Variants in PCDH15 observed in about 807,000 individuals in gnomAD.
PCDH15 encodes protocadherin-15.
PCDH15 carries 129 observed loss-of-function variants against 178.5 expected under a neutral mutation model. That is an observed-to-expected ratio of 0.72 (90% confidence interval 0.63 to 0.84). The LOEUF is 0.84. Ranked by LOEUF, PCDH15 falls within the 40% of genes least tolerant of loss-of-function variation. PCDH15 has a pLI of 0.00. For synonymous variants in PCDH15, 800 were observed against 732.0 expected (o/e 1.09, Z -1.50); for missense variants, 2,230 against 2,099.9 (o/e 1.06, Z -1.21).
intron 2 of PCDH15, among the ~76,000 whole-genome samples, chr10:55,609,989 T>C (rs145345310): frequency 6.6e-6 from 1 of 152,222 alleles, no homozygotes; most frequent in East Asian, 1.9e-4. Flanking sequence ...TTTAAAATAA[T>C]AGGCAAAATA....
intron 3 of PCDH15, among the ~76,000 whole-genome samples, chr10:54,495,296 A>G (rs2080007703): frequency 6.6e-6 from 1 of 152,194 alleles, no homozygotes; most frequent in Non-Finnish European, 1.5e-5. Context: ...AGTATGATAA[A>G]GTAAGGAGAT....
intron 2 of PCDH15, among the ~76,000 whole-genome samples, chr10:54,915,098 T>C (rs971417133): frequency 3.3e-5 from 5 of 152,198 alleles, no homozygotes; most frequent in African/African-American, 7.2e-5. Context: ...CAATTACTTA[T>C]TATCATTGTT....
chr10:54,853,474 T>C (rs1024109234), intron 3 of PCDH15, among the ~76,000 whole-genome samples: 50 of 147,474 alleles, frequency 3.4e-4, no homozygotes, highest in Admixed American at 4.1e-4. Context: ...TATATATATA[T>C]ATAGTATTAC....
intron 2 of PCDH15, among the ~76,000 whole-genome samples, chr10:54,922,887 T>A (rs1331401176): frequency 6.6e-6 from 1 of 152,136 alleles, no homozygotes; most frequent in Non-Finnish European, 1.5e-5. Context: ...TTTAGGACAG[T>A]GGGACACTTC....
chr10:55,589,552 G>A (rs556421558), intron 2 of PCDH15, among the ~76,000 whole-genome samples: 38 of 151,752 alleles, frequency 2.5e-4, no homozygotes, highest in Middle Eastern at 3.4e-3. Flanking sequence ...GAAAATTTTC[G>A]CAACCTACTC....
At chr10:55,597,412 A>G (rs1389662002) in intron 2 of PCDH15, among the ~76,000 whole-genome samples, 2 of 152,092 alleles carry the variant, frequency 1.3e-5, no homozygotes, top group Admixed American at 1.3e-4. Context: ...GCCGACCCCC[A>G]GAAACAAGAT....
In PCDH15 at chr10:53,815,171, G is replaced by T. The variant is rs951403609; in HGVS notation, c.4491+1068C>A. 2.6e-5 allele frequency among the ~76,000 whole-genome samples: 4 copies of T among 152,182 alleles called. No individual in the cohort carries two copies. The East Asian group carries it at 7.7e-4, about 29-fold the overall frequency. On this transcript the variant is annotated intron_variant, in intron 35 of 37. Transcript: ENST00000644397. ...TTCTTGGGTAGATCAAACACTTAAT[G>T]TAATTTTTAATATTCATTTTTGCTG...
At chr10:55,290,033 A>G (rs1004718881) in intron 1 of PCDH15, among the ~76,000 whole-genome samples, 2 of 150,994 alleles carry the variant, frequency 1.3e-5, no homozygotes, top group African/African-American at 4.9e-5. Flanking sequence ...ATGTTCTTGA[A>G]CTCCCCAGCC....
chr10:54,314,141 A>G (rs985588255), intron 8 of PCDH15, among the ~76,000 whole-genome samples: 6 of 84,030 alleles, frequency 7.1e-5, no homozygotes, highest in African/African-American at 1.9e-4. Context: ...ACACACACAC[A>G]CACACACACA....
chr10:54,264,917 T>A (rs1430280749), intron 8 of PCDH15, among the ~76,000 whole-genome samples: 1 of 152,036 alleles, frequency 6.6e-6, no homozygotes, highest in Non-Finnish European at 1.5e-5. Flanking sequence ...AGAACCCCTT[T>A]TATATACTAT....
intron 21 of PCDH15, among the ~76,000 whole-genome samples, chr10:53,993,602 A>T (rs2091662425): frequency 6.6e-6 from 1 of 152,204 alleles, no homozygotes; most frequent in South Asian, 2.1e-4. Context: ...TCTGAATAAT[A>T]ATTATTCTGT....
chr10:55,359,034 A>G (rs1845152216), intron 2 of PCDH15, among the ~76,000 whole-genome samples: 1 of 151,984 alleles, frequency 6.6e-6, no homozygotes, highest in Non-Finnish European at 1.5e-5. Flanking sequence ...TCTAAAAACA[A>G]TAATTTATAA....
intron 2 of PCDH15, among the ~76,000 whole-genome samples, chr10:55,362,901 GGAA>G (rs1795734133): frequency 6.6e-6 from 1 of 152,078 alleles, no homozygotes; most frequent in Non-Finnish European, 1.5e-5. Flanking sequence ...GGGCCACACT[GGAA>G]GAAGAATTGT....
intron 2 of PCDH15, among the ~76,000 whole-genome samples, chr10:55,538,231 T>A (rs1034556204): frequency 6.6e-6 from 1 of 152,200 alleles, no homozygotes; most frequent in African/African-American, 2.4e-5. Flanking sequence ...TCAGTTTTAT[T>A]TGAATACTTA....
intron 1 of PCDH15, among the ~76,000 whole-genome samples, chr10:54,749,121 G>A (rs940690062): frequency 1.3e-5 from 2 of 149,564 alleles, no homozygotes; most frequent in South Asian, 4.3e-4. Flanking sequence ...ACCTAGTTAG[G>A]TGTGGAGTAA....
intron 3 of PCDH15, among the ~76,000 whole-genome samples, chr10:54,847,215 T>C (rs543391864): frequency 6.6e-6 from 1 of 151,484 alleles, no homozygotes; most frequent in South Asian, 2.1e-4. Flanking sequence ...TGCTTTCTGC[T>C]ATCTTTTAAT....
rs1002940724 is a variant in PCDH15, at chr10:54,252,458, T to G, written c.877-15527A>C. On this transcript the variant is annotated intron_variant, in intron 8 of 37. Transcript: ENST00000644397. ...AGCCTTCTCCTCTAACTTTTCCAGA[T>G]AGAATAATATTGATTATCCTCACTA... Among the ~76,000 whole-genome samples the G allele has an allele frequency of 5.9e-5, 9 of 152,308 alleles. No individual in the cohort carries two copies. The East Asian group carries it at 1.7e-3, about 29-fold the overall frequency.
chr10:54,007,563 T>C (rs985065844), intron 20 of PCDH15, among the ~76,000 whole-genome samples: 10 of 152,158 alleles, frequency 6.6e-5, no homozygotes, highest in African/African-American at 1.4e-4. Context: ...ATGTATGTTA[T>C]TTGTTTGATC....
At chr10:53,879,761 C>T (rs762395956) in intron 26 of PCDH15, among the ~76,000 whole-genome samples, 2 of 152,134 alleles carry the variant, frequency 1.3e-5, no homozygotes, top group Admixed American at 1.3e-4. Context: ...CGCACCACCA[C>T]GCCTGGCTAA....
Sources: allele counts gnomAD v4.1 joint callset (sites outside exome capture counted in the v4.1 genomes callset), GRCh38; gene constraint gnomAD v4.1.1; transcripts MANE v1.5; gene names NCBI Gene and HGNC (gene_info 2026-07-23, HGNC 2026-07-21).